Variants in ANKRD44 observed in about 807,000 individuals in gnomAD.
ANKRD44 encodes the protein ankyrin repeat domain 44.
In ANKRD44, 35 loss-of-function variants were observed where a neutral mutation model predicts 116.0. That is an observed-to-expected ratio of 0.30 (90% CI 0.23 to 0.40). The LOEUF is 0.40. ANKRD44 is among the 10% of genes least tolerant of loss of function. ANKRD44 has a pLI of 1.00. For synonymous variants in ANKRD44, 435 were observed against 461.8 expected (o/e 0.94, Z 0.74); for missense variants, 1,014 against 1,242.6 (o/e 0.82, Z 2.77).
intron 13 of ANKRD44, among the ~76,000 whole-genome samples, 190 bp downstream of exon 13, chr2:197,086,490 G>T (rs1215530974): frequency 6.6e-6 from 1 of 152,136 alleles, no homozygotes; most frequent in Non-Finnish European, 1.5e-5. Flanking sequence ...GCTGTGAGTG[G>T]AGATGCTTTC....
At chr2:197,220,581 T>G (rs1267120191) in intron 1 of ANKRD44, among the ~76,000 whole-genome samples, 1 of 152,172 alleles carries the variant, frequency 6.6e-6, no homozygotes, top group Non-Finnish European at 1.5e-5. Flanking sequence ...GTGGGGAGGC[T>G]CCACAGCTAG....
At chr2:196,978,153 G>A (rs767349435) in intron 21 of ANKRD44, among the ~76,000 whole-genome samples, 2 of 152,170 alleles carry the variant, frequency 1.3e-5, no homozygotes, top group Non-Finnish European at 2.9e-5. Flanking sequence ...AGGTGTTTGG[G>A]TCATGGAGGC....
At chr2:196,968,313 C>T (rs13404405) in intron 21 of ANKRD44, among the ~76,000 whole-genome samples, 17,915 of 152,112 alleles carry the variant, frequency 0.12, 1,310 homozygotes, top group African/African-American at 0.21. Context: ...AATGGTTCCA[C>T]AAAGGGCCAT....
At chr2:197,178,452 CAG>C (rs1205461444) in intron 2 of ANKRD44, among the ~76,000 whole-genome samples, 1 of 149,476 alleles carries the variant, frequency 6.7e-6, no homozygotes, top group Non-Finnish European at 1.5e-5. Flanking sequence ...GCCTGGGAAA[CAG>C]AGTGAAACCC....
At chr2:197,096,948 C>T (rs955725543) in intron 10 of ANKRD44, among the ~76,000 whole-genome samples, 4 of 152,132 alleles carry the variant, frequency 2.6e-5, no homozygotes, top group South Asian at 2.1e-4. Flanking sequence ...GGTAGCATGT[C>T]GCATCCCCAG....
intron 1 of ANKRD44, among the ~76,000 whole-genome samples, chr2:197,274,629 C>A (rs1372172666): frequency 6.6e-6 from 1 of 152,184 alleles, no homozygotes; most frequent in Non-Finnish European, 1.5e-5. Context: ...CCCAGTCCTG[C>A]GTCCTTCCCT....
intron 1 of ANKRD44, chr2:197,296,249 C>A (rs577479730): frequency 2.0e-5 from 3 of 152,138 alleles, no homozygotes; most frequent in Admixed American, 2.0e-4. Context: ...CTGTCACCTA[C>A]ACTCATTCTG....
chr2:197,185,833 T>C (rs2080643493), intron 2 of ANKRD44, among the ~76,000 whole-genome samples: 1 of 152,188 alleles, frequency 6.6e-6, no homozygotes, highest in Non-Finnish European at 1.5e-5. Context: ...GTTCACCCAC[T>C]GATCCCAGAC....
chr2:197,056,997 G>A (rs1484171163), intron 16 of ANKRD44, among the ~76,000 whole-genome samples: 1 of 152,096 alleles, frequency 6.6e-6, no homozygotes, highest in Non-Finnish European at 1.5e-5. Context: ...TTTTATTTTT[G>A]TCTTCCTCTA....
intron 2 of ANKRD44, among the ~76,000 whole-genome samples, chr2:197,176,514 T>C (rs1218736440): frequency 2.0e-5 from 3 of 152,176 alleles, no homozygotes; most frequent in Non-Finnish European, 4.4e-5. Context: ...CTCATAGTTG[T>C]ATTTTGGTGT....
chr2:197,082,402 A>C lies in ANKRD44; in HGVS notation c.1458-677T>G, dbSNP rs185692891. 1.1e-3 allele frequency among the ~76,000 whole-genome samples: 168 copies of C among 152,340 alleles called. 1 individual carries two copies. The highest frequency in any genetic ancestry group is 3.3e-3 in the African/African-American group (137 of 41,584). On this transcript the variant is annotated intron_variant, in intron 14 of 27. Transcript: ENST00000282272. ...CAGTATTTTTCAAACTATGGATCAT[A>C]AGCCATTACTGAATTGTGAAATCGA...
chr2:197,295,566 G>A (rs2105891803), intron 1 of ANKRD44, among the ~76,000 whole-genome samples: 1 of 152,278 alleles, frequency 6.6e-6, no homozygotes, highest in East Asian at 1.9e-4. Context: ...CCTGTGGATA[G>A]TAGTCTGCAA....
chr2:197,082,337 A>G (rs2077816661), intron 14 of ANKRD44, among the ~76,000 whole-genome samples: 1 of 152,132 alleles, frequency 6.6e-6, no homozygotes, highest in Non-Finnish European at 1.5e-5. Context: ...ATCTGATATT[A>G]TTATTTTGAT....
chr2:197,225,419 C>T (rs937591629), intron 1 of ANKRD44, among the ~76,000 whole-genome samples: 1 of 152,204 alleles, frequency 6.6e-6, no homozygotes, highest in Non-Finnish European at 1.5e-5. Context: ...TCTCAGCTTA[C>T]TGCAACCTCC....
At chr2:196,974,088 CTT>C (rs113868254) in intron 21 of ANKRD44, among the ~76,000 whole-genome samples, 1 of 146,692 alleles carries the variant, frequency 6.8e-6, no homozygotes. Context: ...CTCTCATACT[CTT>C]TTTTTTTTTT....
chr2:197,096,451 A>G (rs1192388626), intron 10 of ANKRD44, among the ~76,000 whole-genome samples: 1 of 152,220 alleles, frequency 6.6e-6, no homozygotes, highest in African/African-American at 2.4e-5. Flanking sequence ...AAGAAGATAA[A>G]CCAAAGGGCT....
intron 2 of ANKRD44, among the ~76,000 whole-genome samples, chr2:197,174,091 A>G (rs1418237514): frequency 6.6e-6 from 1 of 152,182 alleles, no homozygotes; most frequent in Non-Finnish European, 1.5e-5. Flanking sequence ...TTTTACAAAC[A>G]GTACAGTCCT....
chr2:196,998,756 C>T (rs1388940502), intron 24 of ANKRD44, 151 bp downstream of exon 24: 10 of 1,061,908 alleles, frequency 9.4e-6, no homozygotes, highest in Admixed American at 3.0e-5. Context: ...AACTGAAAGA[C>T]GCTTGAGCAG....
chr2:197,007,667 G>T, intron 20 of ANKRD44, 139 bp downstream of exon 20: 1 of 633,144 alleles, frequency 1.6e-6, no homozygotes, highest in Non-Finnish European at 2.8e-6. Flanking sequence ...AGGTTAATTG[G>T]TTGTATTAGG....
Sources: allele counts gnomAD v4.1 joint callset (sites outside exome capture counted in the v4.1 genomes callset), GRCh38; gene constraint gnomAD v4.1.1; transcripts MANE v1.5; gene names NCBI Gene and HGNC (gene_info 2026-07-23, HGNC 2026-07-21).